Variants in MAGI2 observed in about 807,000 individuals in gnomAD.
MAGI2 encodes membrane-associated guanylate kinase, WW and PDZ domain-containing protein 2.
A neutral mutation model predicts 133.3 loss-of-function variants in MAGI2; 35 were observed. The ratio of observed to expected loss-of-function variants is 0.26; its 90% CI spans 0.20 to 0.35. MAGI2 has a LOEUF of 0.35. MAGI2 is among the 10% of genes least tolerant of loss of function. MAGI2 has a pLI of 1.00. For synonymous variants in MAGI2, 729 were observed against 710.6 expected (o/e 1.03, Z -0.41); for missense variants, 1,636 against 1,863.4 (o/e 0.88, Z 2.25).
chr7:79,356,360 T>C (rs1468492819), intron 1 of MAGI2, among the ~76,000 whole-genome samples: 1 of 152,162 alleles, frequency 6.6e-6, no homozygotes. Context: ...GCAATCAGTA[T>C]TAATAAGAAT....
chr7:78,784,601 G>T (rs948562635), intron 2 of MAGI2, among the ~76,000 whole-genome samples: 19 of 152,226 alleles, frequency 1.2e-4, no homozygotes, highest in African/African-American at 4.6e-4. Context: ...CCAGGAGGAA[G>T]AAATGCTATA....
At position 78,256,161 on chromosome 7, in the gene MAGI2, T is replaced by C. The variant is rs1039722283; in HGVS notation, c.1829A>G (p.Lys610Arg). 6.2e-7 allele frequency: 1 copy of C among 1,613,820 alleles called. No individual in the cohort carries two copies. Among genetic ancestry groups the C allele is most frequent in the Non-Finnish European group, 8.5e-7 (1 of 1,179,964 alleles). ...QAELMTLTIV[K>R]GAQGFGFTIA... ...AGTGAAGCCGAAGCCCTGGGCACCT[T>C]TCACAATGGTTAAGGTCATAAGTTC... The change falls in exon 10 of 22, where the codon AAA becomes AGA. Residue 610 changes from lysine to arginine, a missense_variant. Coordinates refer to ENST00000354212, the MANE Select transcript of MAGI2 (RefSeq NM_012301.4).
intron 2 of MAGI2, among the ~76,000 whole-genome samples, chr7:78,920,815 T>G (rs1232506849): frequency 6.6e-6 from 1 of 152,136 alleles, no homozygotes; most frequent in East Asian, 1.9e-4. Flanking sequence ...GAACCACACC[T>G]GATCTACCAC....
intron 1 of MAGI2, among the ~76,000 whole-genome samples, chr7:79,083,013 A>AT (rs1300516422): frequency 2.0e-5 from 3 of 151,668 alleles, no homozygotes; most frequent in East Asian, 1.9e-4. Context: ...AATACAAATG[A>AT]TTTTTTGTAT....
chr7:78,100,724 A>G (rs1156807713), intron 20 of MAGI2, among the ~76,000 whole-genome samples: 1 of 150,794 alleles, frequency 6.6e-6, no homozygotes, highest in East Asian at 1.9e-4. Flanking sequence ...CGGTTTCATT[A>G]TTTTGAGGCA....
chr7:78,752,603 A>C (rs1319815678), intron 2 of MAGI2, among the ~76,000 whole-genome samples: 7 of 152,312 alleles, frequency 4.6e-5, no homozygotes, highest in African/African-American at 1.7e-4. Flanking sequence ...ACTCCATCTC[A>C]AAAAAATAAA....
chr7:78,648,390 G>A (rs1811132877), intron 2 of MAGI2, among the ~76,000 whole-genome samples: 1 of 152,148 alleles, frequency 6.6e-6, no homozygotes, highest in African/African-American at 2.4e-5. Context: ...ATATACCCAG[G>A]CTTACACTGC....
At chr7:78,323,296 G>A (rs531182813) in intron 9 of MAGI2, among the ~76,000 whole-genome samples, 41 of 152,196 alleles carry the variant, frequency 2.7e-4, no homozygotes, top group African/African-American at 9.1e-4. Context: ...TAAAACCGAG[G>A]ACCTCATTCC....
intron 2 of MAGI2, among the ~76,000 whole-genome samples, chr7:78,976,335 A>G (rs1804246405): frequency 6.6e-6 from 1 of 151,604 alleles, no homozygotes; most frequent in Non-Finnish European, 1.5e-5. Flanking sequence ...AATCTATGAT[A>G]TCATCAGTTA....
intron 16 of MAGI2, among the ~76,000 whole-genome samples, chr7:78,140,275 C>G (rs180881528): frequency 2.0e-5 from 3 of 152,170 alleles, no homozygotes; most frequent in Non-Finnish European, 2.9e-5. Flanking sequence ...TTAGATCCCC[C>G]CTTCTCTCCT....
intron 2 of MAGI2, among the ~76,000 whole-genome samples, chr7:78,853,334 T>C (rs1170807117): frequency 2.6e-5 from 1 of 38,016 alleles, no homozygotes; most frequent in African/African-American, 1.0e-4. Context: ...CATTCGTTCT[T>C]TTTTTTTTTT....
At chr7:79,193,759 A>G (rs917279959) in intron 1 of MAGI2, among the ~76,000 whole-genome samples, 3 of 151,632 alleles carry the variant, frequency 2.0e-5, no homozygotes, top group Non-Finnish European at 2.9e-5. Context: ...AGGGCCCTAC[A>G]TTTTCATTTT....
chr7:78,244,076 C>A (rs1403377257), intron 10 of MAGI2, among the ~76,000 whole-genome samples: 1 of 148,298 alleles, frequency 6.7e-6, no homozygotes, highest in Non-Finnish European at 1.5e-5. Flanking sequence ...GGAATCACAG[C>A]ACTTTTGGAG....
intron 6 of MAGI2, among the ~76,000 whole-genome samples, chr7:78,434,970 G>A (rs1230900915): frequency 6.6e-6 from 1 of 152,062 alleles, no homozygotes; most frequent in Non-Finnish European, 1.5e-5. Flanking sequence ...CCCTCTGCAT[G>A]GACCAGACAA....
intron 1 of MAGI2, among the ~76,000 whole-genome samples, chr7:79,324,411 G>C (rs12536914): frequency 2.6e-5 from 1 of 37,836 alleles, no homozygotes; most frequent in Non-Finnish European, 8.2e-5. Flanking sequence ...TACACACAAC[G>C]TATCTATCTA....
At chr7:78,981,381 T>G (rs974418236) in intron 2 of MAGI2, among the ~76,000 whole-genome samples, 3 of 151,692 alleles carry the variant, frequency 2.0e-5, no homozygotes, top group African/African-American at 7.2e-5. Flanking sequence ...ACCTCCATGT[T>G]ATTATCTCTT....
intron 1 of MAGI2, among the ~76,000 whole-genome samples, chr7:79,385,925 C>G (rs1457340227): frequency 1.3e-5 from 2 of 151,920 alleles, no homozygotes; most frequent in African/African-American, 4.8e-5. Flanking sequence ...CTATGAATCC[C>G]ATAACATTAT....
intron 6 of MAGI2, among the ~76,000 whole-genome samples, chr7:78,420,996 A>T (rs370182153): frequency 1.3e-4 from 20 of 152,346 alleles, no homozygotes; most frequent in East Asian, 9.6e-4. Flanking sequence ...TTCCAAGTTG[A>T]CAAATTGGAC....
intron 3 of MAGI2, among the ~76,000 whole-genome samples, chr7:78,531,729 C>G (rs1177518504): frequency 1.3e-5 from 2 of 152,152 alleles, no homozygotes; most frequent in Non-Finnish European, 2.9e-5. Flanking sequence ...CTTTCTCACA[C>G]AACATTTATA....
Sources: gnomAD v4.1 joint callset for allele counts (sites outside exome capture counted in the v4.1 genomes callset) on GRCh38, gnomAD v4.1.1 for gene constraint, MANE v1.5 for transcripts, NCBI Gene and HGNC (gene_info 2026-07-23, HGNC 2026-07-21) for gene names.